The following CHCHD6 variants were observed in gnomAD, a reference collection of about 807,000 sequenced individuals.
CHCHD6 encodes the protein coiled-coil-helix-coiled-coil-helix domain containing 6, also known as MICOS complex subunit MIC25.
Under a neutral mutation model 32.3 loss-of-function variants are expected in CHCHD6, and 28 were observed. That is an observed-to-expected ratio of 0.87 (90% CI 0.64 to 1.19). The LOEUF is 1.19. CHCHD6 is among the 50% of genes most tolerant of loss of function. CHCHD6 has a pLI of 0.00. For synonymous variants in CHCHD6, 122 were observed against 117.5 expected (o/e 1.04, Z -0.25); for missense variants, 333 against 307.0 (o/e 1.08, Z -0.63).
intron 6 of CHCHD6, among the ~76,000 whole-genome samples, chr3:126,955,820 G>A (rs772561809): frequency 1.3e-5 from 2 of 152,134 alleles, no homozygotes; most frequent in Non-Finnish European, 2.9e-5. Flanking sequence ...ATTGTCCCGC[G>A]TAGTCAGATG....
At chr3:126,726,380 G>A (rs1025979000) in intron 1 of CHCHD6, among the ~76,000 whole-genome samples, 1 of 152,096 alleles carries the variant, frequency 6.6e-6, no homozygotes, top group African/African-American at 2.4e-5. Flanking sequence ...AATTACAAGA[G>A]TAACATGAAA....
chr3:126,950,312 T>C lies in CHCHD6; in HGVS notation c.567-7104T>C, dbSNP rs529341296. 3.5e-4 allele frequency among the ~76,000 whole-genome samples: 53 copies of C among 151,722 alleles called. No individual in the cohort carries two copies. The East Asian group carries it at 8.4e-3, about 24-fold the overall frequency. On this transcript the variant is annotated intron_variant, in intron 6 of 7. Coordinates refer to ENST00000290913, the MANE Select transcript of CHCHD6 (RefSeq NM_032343.3). ...GCCTCTCATAGAGGGAAGTGTAGTT[T>C]ACAGGAGCTTGTCCTACAAGAAGGG... is the stretch of plus-strand genomic sequence containing the variant.
chr3:126,843,729 A>G (rs999691304), intron 4 of CHCHD6, among the ~76,000 whole-genome samples: 2 of 152,204 alleles, frequency 1.3e-5, no homozygotes, highest in Admixed American at 1.3e-4. Context: ...TCCTCCCAAG[A>G]GTTCAATTAC....
At chr3:126,737,032 C>A (rs1231805680) in intron 4 of CHCHD6, among the ~76,000 whole-genome samples, 1 of 152,092 alleles carries the variant, frequency 6.6e-6, no homozygotes, top group African/African-American at 2.4e-5. Flanking sequence ...AAAGCAAAAA[C>A]TTTCTTGGCT....
intron 6 of CHCHD6, among the ~76,000 whole-genome samples, chr3:126,919,160 G>A (rs2078209108): frequency 1.0e-5 from 1 of 98,094 alleles, no homozygotes; most frequent in African/African-American, 2.9e-5. Context: ...TAAAGAGATT[G>A]TGTATTCTGT....
At chr3:126,818,372 C>T (rs1253992501) in intron 4 of CHCHD6, among the ~76,000 whole-genome samples, 3 of 152,212 alleles carry the variant, frequency 2.0e-5, no homozygotes, top group South Asian at 2.1e-4. Context: ...GAGTTGTGAG[C>T]GTTCCACCCA....
intron 5 of CHCHD6, among the ~76,000 whole-genome samples, chr3:126,910,273 G>GAAAAAAAAACAAAC (rs1553756148): frequency 9.0e-6 from 1 of 111,462 alleles, no homozygotes; most frequent in African/African-American, 3.2e-5. Context: ...CCTGCCTCAG[G>GAAAAAAAAACAAAC]AAAAAAAAAA....
At chr3:126,871,743 G>A (rs560660340) in intron 5 of CHCHD6, among the ~76,000 whole-genome samples, 84 of 140,556 alleles carry the variant, frequency 6.0e-4, no homozygotes, top group African/African-American at 2.3e-3. Flanking sequence ...TTGGCTCACT[G>A]CAACCTCCGC....
rs141317091 is a variant in CHCHD6, at chr3:126,884,351, G to A, written c.496-30329G>A. On this transcript the variant is annotated intron_variant, in intron 5 of 7. Transcript: ENST00000290913. Reference sequence around the variant, plus strand: ...ACTAAACATTCAGCAAGAACCATTTGTGTACTTAATGTTGGTAATTTTGGC... The same window carrying A: ...ACTAAACATTCAGCAAGAACCATTTATGTACTTAATGTTGGTAATTTTGGC... Among the ~76,000 whole-genome samples, 783 of 152,308 alleles carry A rather than the reference G, an allele frequency of 5.1e-3. 2 individuals are homozygous for A. Among genetic ancestry groups the A allele is most frequent in the Middle Eastern group, 0.02 (6 of 294 alleles).
intron 5 of CHCHD6, among the ~76,000 whole-genome samples, chr3:126,905,678 G>A (rs1318028137): frequency 1.3e-5 from 2 of 152,068 alleles, no homozygotes; most frequent in African/African-American, 4.8e-5. Context: ...TGTGAGGTGC[G>A]TCCTTGTGTT....
At chr3:126,766,765 G>T in intron 4 of CHCHD6, 2 of 1,143,082 alleles carry the variant, frequency 1.7e-6, no homozygotes, top group Non-Finnish European at 2.7e-6. Context: ...GGAGGTGTTG[G>T]TGGCCCCCTG....
At chr3:126,895,282 A>G (rs1220868025) in intron 5 of CHCHD6, among the ~76,000 whole-genome samples, 1 of 152,250 alleles carries the variant, frequency 6.6e-6, no homozygotes, top group African/African-American at 2.4e-5. Context: ...ACAGTGAGTT[A>G]GCGGAAGGAA....
chr3:126,718,187 C>T (rs920030977), intron 1 of CHCHD6, among the ~76,000 whole-genome samples: 1 of 152,162 alleles, frequency 6.6e-6, no homozygotes, highest in Non-Finnish European at 1.5e-5. Context: ...ACATGGAGAG[C>T]ACTTAGAACA....
chr3:126,862,676 T>C (rs1397913406), intron 5 of CHCHD6, among the ~76,000 whole-genome samples: 12 of 29,600 alleles, frequency 4.1e-4, no homozygotes, highest in East Asian at 1.2e-3. Context: ...TCCTCCACCA[T>C]CACCACCTCC....
intron 6 of CHCHD6, among the ~76,000 whole-genome samples, chr3:126,941,161 C>G (rs1035205214): frequency 1.3e-5 from 2 of 152,142 alleles, no homozygotes; most frequent in African/African-American, 4.8e-5. Flanking sequence ...TTATTTTCTG[C>G]CATTAAATTG....
At chr3:126,848,859 A>G (rs966754830) in intron 4 of CHCHD6, among the ~76,000 whole-genome samples, 9 of 152,200 alleles carry the variant, frequency 5.9e-5, no homozygotes, top group African/African-American at 2.2e-4. Context: ...TACTGCTTTT[A>G]TTGGTAGCCT....
Position 126,913,207 on chromosome 3 carries a change from CTTTTTTTTTTTTTTTTTTT to C in CHCHD6, c.496-1454_496-1436del, listed in dbSNP as rs546179022. 1.6e-3 allele frequency among the ~76,000 whole-genome samples: 54 copies of C among 33,786 alleles called. 1 individual carries two copies. Among genetic ancestry groups the C allele is most frequent in the South Asian group, 0.014 (12 of 828 alleles). The allele number at this position is 33,786 out of a possible 152,430, so 22.2% of individuals were successfully genotyped here. ...GGATAATCATGCTGCCCGTATGAGC[CTTTTTTTTTTTTTTTTTTT>C]TTTTTTTTTTTTTTTTTTGGGAGAC... On this transcript the variant is annotated intron_variant, in intron 5 of 7. Coordinates refer to ENST00000290913, the MANE Select transcript of CHCHD6 (RefSeq NM_032343.3).
intron 5 of CHCHD6, among the ~76,000 whole-genome samples, chr3:126,873,840 T>G (rs2077507711): frequency 6.6e-6 from 1 of 152,234 alleles, no homozygotes; most frequent in African/African-American, 2.4e-5. Context: ...TCTGTACCAC[T>G]GGGAACCTGG....
At chr3:126,873,050 A>G in intron 5 of CHCHD6, among the ~76,000 whole-genome samples, 1 of 152,326 alleles carries the variant, frequency 6.6e-6, no homozygotes, top group East Asian at 1.9e-4. Flanking sequence ...TTCCTTGAAC[A>G]CGGCTGGTCG....
Sources: allele counts gnomAD v4.1 joint callset (sites outside exome capture counted in the v4.1 genomes callset), GRCh38; gene constraint gnomAD v4.1.1; transcripts MANE v1.5; gene names NCBI Gene and HGNC (gene_info 2026-07-23, HGNC 2026-07-21).